Variants in FUBP3 observed in about 807,000 individuals in gnomAD.
FUBP3 encodes far upstream element binding protein 3.
A neutral mutation model predicts 85.6 loss-of-function variants in FUBP3; 28 were observed. The observed-to-expected ratio is 0.33, with a 90% confidence interval of 0.24 to 0.45. The LOEUF is 0.45. Among genes scored for constraint, FUBP3 ranks in the 20% least tolerant of loss-of-function variants. The pLI is 1.00. For synonymous variants in FUBP3, 271 were observed against 271.4 expected (o/e 1.00, Z 0.01); for missense variants, 583 against 755.1 (o/e 0.77, Z 2.67).
chr9:130,590,886 G>A (rs575409131), intron 1 of FUBP3, among the ~76,000 whole-genome samples: 12 of 152,152 alleles, frequency 7.9e-5, no homozygotes, highest in African/African-American at 2.7e-4. Context: ...AATGATTTGT[G>A]TACCTCCTTT....
At chr9:130,592,012 A>T (rs1036191979) in intron 1 of FUBP3, among the ~76,000 whole-genome samples, 4 of 152,268 alleles carry the variant, frequency 2.6e-5, no homozygotes, top group Admixed American at 6.5e-5. Context: ...CAGGTGGATC[A>T]CCTGAGGTCA....
chr9:130,628,472 A>C (rs758834766), intron 12 of FUBP3, among the ~76,000 whole-genome samples: 1 of 152,234 alleles, frequency 6.6e-6, no homozygotes, highest in Non-Finnish European at 1.5e-5. Flanking sequence ...ACCATGTGCC[A>C]AGCTAGTGAC....
At chr9:130,585,366 T>C (rs755378582) in intron 1 of FUBP3, among the ~76,000 whole-genome samples, 3 of 152,218 alleles carry the variant, frequency 2.0e-5, no homozygotes, top group Admixed American at 6.5e-5. Flanking sequence ...TTTTTACTTA[T>C]CTTTTTGTAA....
At chr9:130,618,771 T>C (rs745749610) in intron 8 of FUBP3, among the ~76,000 whole-genome samples, 1 of 152,148 alleles carries the variant, frequency 6.6e-6, no homozygotes, top group African/African-American at 2.4e-5. Flanking sequence ...TGGGTTTTGA[T>C]CAGTGAAAGT....
chr9:130,582,797 A>G (rs1830188777), intron 1 of FUBP3, among the ~76,000 whole-genome samples: 1 of 152,386 alleles, frequency 6.6e-6, no homozygotes, highest in East Asian at 1.9e-4. Context: ...AGCACCTGTC[A>G]TCACCCGTGA....
intron 2 of FUBP3, among the ~76,000 whole-genome samples, chr9:130,599,156 A>G (rs1418730639): frequency 2.6e-5 from 4 of 152,022 alleles, no homozygotes; most frequent in Non-Finnish European, 2.9e-5. Context: ...GCTGGATGTC[A>G]TGGCACGCGC....
intron 11 of FUBP3, among the ~76,000 whole-genome samples, chr9:130,624,632 T>C (rs1432988557): frequency 2.6e-5 from 4 of 151,722 alleles, no homozygotes; most frequent in South Asian, 2.1e-4. Context: ...TGTGTGTGTG[T>C]GTGTGTGTGT....
chr9:130,605,749 C>T (rs1423261966), intron 2 of FUBP3, among the ~76,000 whole-genome samples: 4 of 152,116 alleles, frequency 2.6e-5, no homozygotes, highest in Admixed American at 6.5e-5. Context: ...TTTGGGAGGC[C>T]AAGGCAGGCG....
At chr9:130,589,850 A>G (rs1165030262) in intron 1 of FUBP3, among the ~76,000 whole-genome samples, 1 of 149,444 alleles carries the variant, frequency 6.7e-6, no homozygotes, top group Non-Finnish European at 1.5e-5. Context: ...AGCTAAGGCT[A>G]CAGGCTCACG....
chr9:130,626,879 C>A (rs1217253100), intron 12 of FUBP3, among the ~76,000 whole-genome samples: 1 of 152,198 alleles, frequency 6.6e-6, no homozygotes, highest in East Asian at 1.9e-4. Flanking sequence ...GAGACAGTAT[C>A]CTCAGTGAAA....
chr9:130,630,312 C>G (rs1221026438), intron 12 of FUBP3, among the ~76,000 whole-genome samples: 1 of 152,196 alleles, frequency 6.6e-6, no homozygotes, highest in African/African-American at 2.4e-5. Flanking sequence ...ATGGTGTAGA[C>G]CCACAGGCCT....
Position 130,584,469 on chromosome 9 carries a change from A to G in FUBP3, c.84+4705A>G, listed in dbSNP as rs572740238. Among the ~76,000 whole-genome samples the G allele has an allele frequency of 2.0e-3, 306 of 152,152 alleles. 1 individual carries two copies. Among genetic ancestry groups the G allele is most frequent in the Non-Finnish European group, 3.0e-3 (206 of 68,008 alleles). ...CTTGAACCTGGGAGGCAGAGGTTGCAGTGAGCCGAGATCGTGCCATTGCAT... is the reference window on the plus strand; with the variant it reads ...CTTGAACCTGGGAGGCAGAGGTTGCGGTGAGCCGAGATCGTGCCATTGCAT... On this transcript the variant is annotated intron_variant, in intron 1 of 18. Transcript: ENST00000319725.
chr9:130,587,228 C>T (rs747919216), intron 1 of FUBP3, among the ~76,000 whole-genome samples: 1 of 151,792 alleles, frequency 6.6e-6, no homozygotes, highest in Non-Finnish European at 1.5e-5. Flanking sequence ...TCACGCCTAG[C>T]TAATTTTTGT....
chr9:130,633,256 A>G (rs549489979), intron 16 of FUBP3, among the ~76,000 whole-genome samples: 2 of 152,366 alleles, frequency 1.3e-5, no homozygotes, highest in East Asian at 1.9e-4. Flanking sequence ...CCAGTATCTT[A>G]TTATGAAACG....
At chr9:130,591,138 T>C (rs1359425278) in intron 1 of FUBP3, among the ~76,000 whole-genome samples, 1 of 152,146 alleles carries the variant, frequency 6.6e-6, no homozygotes, top group Non-Finnish European at 1.5e-5. Flanking sequence ...CCCCAGTTTT[T>C]ATTGTCTTAA....
chr9:130,594,949 G>A (rs1487121355), intron 1 of FUBP3, among the ~76,000 whole-genome samples: 3 of 150,902 alleles, frequency 2.0e-5, no homozygotes, highest in Non-Finnish European at 4.4e-5. Flanking sequence ...ATTTGCGGCC[G>A]GGCGCAGTGG....
chr9:130,609,291 G>A (rs1398554540), intron 2 of FUBP3, among the ~76,000 whole-genome samples: 1 of 152,172 alleles, frequency 6.6e-6, no homozygotes, highest in South Asian at 2.1e-4. Flanking sequence ...ATAAGAGGCT[G>A]TTTGGCACCG....
intron 2 of FUBP3, among the ~76,000 whole-genome samples, chr9:130,600,466 T>A (rs1160891998): frequency 6.6e-6 from 1 of 152,114 alleles, no homozygotes; most frequent in African/African-American, 2.4e-5. Context: ...AAGTGCGAAT[T>A]TAAATGTAAT....
rs373757426 is a variant in FUBP3 at position 130,634,628 on chromosome 9, A to T, written c.1511-39A>T. On this transcript the variant is annotated intron_variant, in intron 16 of 18. Transcript: ENST00000319725. ...GCGGGCTGGGGCCGAGGCTGTGAGG[A>T]GCCCGTAAGGCCTGACTGCTTTTGT... 1,502 of 1,576,468 alleles carry T rather than the reference A, an allele frequency of 9.5e-4. 2 individuals carry two copies. Among genetic ancestry groups the T allele is most frequent in the Non-Finnish European group, 1.2e-3 (1,330 of 1,153,218 alleles).
Sources: allele counts gnomAD v4.1 joint callset (sites outside exome capture counted in the v4.1 genomes callset), GRCh38; gene constraint gnomAD v4.1.1; transcripts MANE v1.5; gene names NCBI Gene and HGNC (gene_info 2026-07-23, HGNC 2026-07-21).